The following ALDH5A1 variants were observed in gnomAD, a reference collection of about 807,000 sequenced individuals.
ALDH5A1 encodes the protein aldehyde dehydrogenase 5 family member A1, also known as succinate-semialdehyde dehydrogenase, mitochondrial.
Under a neutral mutation model 54.7 loss-of-function variants are expected in ALDH5A1, and 33 were observed. The observed-to-expected ratio is 0.60, with a 90% CI of 0.46 to 0.81. The LOEUF (loss-of-function observed/expected upper bound fraction) is 0.81. ALDH5A1 is among the 30% of genes least tolerant of loss of function. ALDH5A1 has a pLI of 0.00. For synonymous variants in ALDH5A1, 294 were observed against 292.7 expected (o/e 1.00, Z -0.05); for missense variants, 657 against 711.0 (o/e 0.92, Z 0.86).
At chr6:24,497,491 C>A (rs1764736768) in intron 1 of ALDH5A1, among the ~76,000 whole-genome samples, 1 of 152,104 alleles carries the variant, frequency 6.6e-6, no homozygotes, top group Non-Finnish European at 1.5e-5. Context: ...ATTTTACAAT[C>A]CTCTTGCTAG....
chr6:24,529,202 C>G (rs577141743), intron 8 of ALDH5A1, among the ~76,000 whole-genome samples: 3 of 151,162 alleles, frequency 2.0e-5, no homozygotes, highest in African/African-American at 7.3e-5. Context: ...AGTCTAACTC[C>G]GTCATCCAGG....
At chr6:24,532,713 A>G (rs1276725421) in intron 9 of ALDH5A1, among the ~76,000 whole-genome samples, 1 of 152,022 alleles carries the variant, frequency 6.6e-6, no homozygotes, top group East Asian at 1.9e-4. Flanking sequence ...TCCACAGCAA[A>G]TGAAGTACTG....
At chr6:24,515,798 G>A (rs192836399) in intron 5 of ALDH5A1, among the ~76,000 whole-genome samples, 88 of 152,262 alleles carry the variant, frequency 5.8e-4, no homozygotes, top group Non-Finnish European at 8.4e-4. Flanking sequence ...TTTGTGGCAC[G>A]ACATAGGTTC....
chr6:24,526,984 A>ATATATG (rs1170325879), intron 7 of ALDH5A1, among the ~76,000 whole-genome samples: 1 of 30,154 alleles, frequency 3.3e-5, no homozygotes, highest in African/African-American at 6.1e-5. Flanking sequence ...GTATATATAT[A>ATATATG]TATATATATA....
chr6:24,508,191 C>T (rs140075859), intron 4 of ALDH5A1, among the ~76,000 whole-genome samples: 2,275 of 151,596 alleles, frequency 0.015, 32 homozygotes, highest in South Asian at 0.037. Flanking sequence ...AGTGAAACCC[C>T]GTCTCTACTA....
At chr6:24,528,245 T>C in intron 8 of ALDH5A1, 79 bp downstream of exon 8, 1 of 1,555,612 alleles carries the variant, frequency 6.4e-7, no homozygotes, top group Non-Finnish European at 8.8e-7. Context: ...ATTCCTGGGC[T>C]GCTTTGAGGT....
At chr6:24,527,911 A>G in intron 7 of ALDH5A1, 86 bp from the exon 8 acceptor site, 1 of 1,502,042 alleles carries the variant, frequency 6.7e-7, no homozygotes, top group Non-Finnish European at 9.2e-7. Context: ...AAGAAAAAAA[A>G]ATGGAACTAG....
intron 7 of ALDH5A1, among the ~76,000 whole-genome samples, chr6:24,525,532 T>TA (rs61178893): frequency 0.031 from 3,872 of 124,674 alleles, 74 homozygotes; most frequent in African/African-American, 0.078. Flanking sequence ...ACCCTATCTC[T>TA]AAAAAAAAAA....
Position 24,495,228 on chromosome 6 carries a change from G to T in ALDH5A1, c.232G>T (p.Val78Leu). Residue 78 changes from valine to leucine, a missense_variant, in exon 1 of 10, where the codon GTG becomes TTG. Around this residue, in one of 2 missense-constraint regions of ALDH5A1, gnomAD observed 232 missense variants for 194.6 expected, o/e 1.19. Transcript: ENST00000357578. ...RWLPAAATFPVQDPASGAALG... is the reference protein window; with the variant it reads ...RWLPAAATFPLQDPASGAALG... The stretch of plus-strand genomic sequence containing the variant: ...GCTCCCGGCCGCCGCCACCTTCCCC[G>T]TGCAAGACCCGGCCAGCGGCGCCGC... The T allele has an allele frequency of 1.3e-6, 2 of 1,519,862 alleles. No homozygotes were observed. Among genetic ancestry groups the T allele is most frequent in the South Asian group, 2.4e-5 (2 of 82,866 alleles). The allele number at this position is 1,519,862 out of a possible 1,614,324, so 94.1% of individuals were successfully genotyped here. A position where few individuals can be genotyped will look rare whatever the true frequency, so the allele number is the denominator to read the frequency against.
chr6:24,505,104 T>C, intron 4 of ALDH5A1, 119 bp downstream of exon 4: 1 of 1,020,608 alleles, frequency 9.8e-7, no homozygotes, highest in Non-Finnish European at 1.5e-6. Flanking sequence ...TGATGCATGG[T>C]GTTGTGTATT....
At chr6:24,515,102 C>CTTTTTTTTTTTTTTTTTTTT (rs4646842) in intron 4 of ALDH5A1, 65 bp from the exon 5 acceptor site, 62 of 932,048 alleles carry the variant, frequency 6.7e-5, no homozygotes, top group East Asian at 1.4e-4. Context: ...TTTCTCTTTT[C>CTTTTTTTTTTTTTTTTTTTT]TTTTTTTTTT....
At chr6:24,531,713 G>A (rs1759939930) in intron 8 of ALDH5A1, among the ~76,000 whole-genome samples, 1 of 152,190 alleles carries the variant, frequency 6.6e-6, no homozygotes, top group South Asian at 2.1e-4. Flanking sequence ...ATTAGAACCT[G>A]GCCCCAACCC....
rs551718364 is a variant in ALDH5A1 at position 24,529,492 on chromosome 6, A to G, written c.1343+1326A>G. Among the ~76,000 whole-genome samples, 21 of 152,082 alleles carry G rather than the reference A, an allele frequency of 1.4e-4. No individual in the cohort carries two copies. In the South Asian group the frequency reaches 2.7e-3, roughly 20 times the overall value. On this transcript the variant is annotated intron_variant, in intron 8 of 9. Transcript: ENST00000357578. Reference sequence around the variant, plus strand: ...TCTTTATCTACTTTTATCCAGGGTTATTGCCAAGAAATCTGATTCTTGCTT... The same window carrying G: ...TCTTTATCTACTTTTATCCAGGGTTGTTGCCAAGAAATCTGATTCTTGCTT...
At chr6:24,504,042 C>A (rs546953587) in intron 3 of ALDH5A1, among the ~76,000 whole-genome samples, 1 of 152,184 alleles carries the variant, frequency 6.6e-6, no homozygotes, top group Non-Finnish European at 1.5e-5. Flanking sequence ...GGTCTCGAGA[C>A]GTCTGTGTTT....
chr6:24,507,763 A>G (rs1296451211), intron 4 of ALDH5A1, among the ~76,000 whole-genome samples: 2 of 151,976 alleles, frequency 1.3e-5, no homozygotes, highest in African/African-American at 4.8e-5. Flanking sequence ...TGGGTGTAAA[A>G]TGTCTGATTT....
intron 4 of ALDH5A1, among the ~76,000 whole-genome samples, chr6:24,510,676 C>T (rs765120840): frequency 6.6e-6 from 1 of 152,140 alleles, no homozygotes; most frequent in African/African-American, 2.4e-5. Flanking sequence ...CACCCCTTTA[C>T]CTTAAGTTTC....
chr6:24,497,599 C>A (rs1382797430), intron 1 of ALDH5A1, among the ~76,000 whole-genome samples: 1 of 148,818 alleles, frequency 6.7e-6, no homozygotes, highest in East Asian at 1.9e-4. Context: ...CCACTCGACC[C>A]AGGAAGTCCA....
intron 7 of ALDH5A1, among the ~76,000 whole-genome samples, chr6:24,523,280 A>T (rs1759739070): frequency 6.6e-6 from 1 of 152,102 alleles, no homozygotes; most frequent in African/African-American, 2.4e-5. Flanking sequence ...ATTTTCAATG[A>T]TGTTTTCATA....
In ALDH5A1 at chr6:24,527,987, C is replaced by T. The variant is rs754181566; in HGVS notation, c.1174-10C>T. The T allele has an allele frequency of 1.2e-5, 19 of 1,613,616 alleles. No homozygotes were observed. The South Asian group carries it at 2.1e-4, about 18-fold the overall frequency. On this transcript the variant is annotated splice_polypyrimidine_tract_variant and intron_variant, in intron 7 of 9. Transcript: ENST00000357578. ...CATGTGGAAAGCTTTTTTTCTTCCTCATTACACAGGTGGAGAAACAGGTGA... is the reference window on the plus strand; with the variant it reads ...CATGTGGAAAGCTTTTTTTCTTCCTTATTACACAGGTGGAGAAACAGGTGA...
Sources: allele counts gnomAD v4.1 joint callset (sites outside exome capture counted in the v4.1 genomes callset), GRCh38; gene constraint gnomAD v4.1.1; regional missense constraint gnomAD v4.1.1; transcripts MANE v1.5; gene names NCBI Gene and HGNC (gene_info 2026-07-23, HGNC 2026-07-21).